The following PRUNE2 variants were observed in gnomAD, a reference collection of about 807,000 sequenced individuals.
PRUNE2 encodes protein prune homolog 2.
Under a neutral mutation model 252.0 loss-of-function variants are expected in PRUNE2, and 164 were observed. The observed-to-expected ratio is 0.65, with a 90% CI of 0.57 to 0.74. The LOEUF (loss-of-function observed/expected upper bound fraction) is 0.74, where lower values mean the gene tolerates loss of function less well. Among genes scored for constraint, PRUNE2 ranks in the 30% least tolerant of loss-of-function variants. The pLI is 0.00. For missense variants in PRUNE2, 3,495 were observed against 3,711.0 expected, an observed-to-expected ratio of 0.94 and a Z score of 1.51; for synonymous variants, 1,292 against 1,350.2, an observed-to-expected ratio of 0.96 and a Z score of 0.94.
chr9:76,644,860 T>C lies in PRUNE2; in HGVS notation c.8607A>G (p.Glu2869=), dbSNP rs1463269336. ...CCTCCCGTTCCTCTTCGGCCGTATA[T>C]TCTGGAATAGACTCTGACTCTTGGC... is the stretch of plus-strand genomic sequence containing the variant. ...DSGQESESIP[E]YTAEEEREDN... Residue 2869 remains glutamate, a synonymous_variant, in exon 12 of 19, where the codon GAA becomes GAG. Coordinates refer to ENST00000376718, the MANE Select transcript of PRUNE2 (RefSeq NM_015225.3). 3 of 1,613,912 alleles carry C rather than the reference T, an allele frequency of 1.9e-6. No individual in the cohort carries two copies. Among genetic ancestry groups the C allele is most frequent in the Admixed American group, 1.7e-5 (1 of 60,002 alleles).
At chr9:76,693,986 T>C (rs964911006) in intron 9 of PRUNE2, among the ~76,000 whole-genome samples, 15 of 152,112 alleles carry the variant, frequency 9.9e-5, no homozygotes, top group Non-Finnish European at 5.9e-5. Flanking sequence ...CCCAAATCAT[T>C]AGGGGAGAAA....
chr9:76,679,362 A>G (rs2043174054), intron 9 of PRUNE2, among the ~76,000 whole-genome samples: 1 of 152,234 alleles, frequency 6.6e-6, no homozygotes, highest in Non-Finnish European at 1.5e-5. Flanking sequence ...CTATTCTAAA[A>G]TTTATTTGAA....
At chr9:76,797,972 G>T (rs929941621) in intron 6 of PRUNE2, among the ~76,000 whole-genome samples, 6 of 152,148 alleles carry the variant, frequency 3.9e-5, no homozygotes, top group African/African-American at 1.4e-4. Context: ...TGCCCTGTTT[G>T]TCTTTACAGA....
At chr9:76,785,188 T>TAC (rs2054847508) in intron 6 of PRUNE2, 1 of 152,246 alleles carries the variant, frequency 6.6e-6, no homozygotes, top group Admixed American at 6.5e-5. Flanking sequence ...ATGTCAGGCA[T>TAC]ACATTATTCC....
At chr9:76,637,193 C>T (rs1191675620) in intron 14 of PRUNE2, among the ~76,000 whole-genome samples, 3 of 152,046 alleles carry the variant, frequency 2.0e-5, no homozygotes, top group Non-Finnish European at 2.9e-5. Context: ...GAATCTATAA[C>T]CAACATGGTG....
chr9:76,798,348 G>T (rs1210654011), intron 6 of PRUNE2, among the ~76,000 whole-genome samples: 1 of 152,122 alleles, frequency 6.6e-6, no homozygotes, highest in Admixed American at 6.6e-5. Flanking sequence ...TTATGAATTT[G>T]ACTACTTTAG....
intron 1 of PRUNE2, among the ~76,000 whole-genome samples, chr9:76,888,035 C>G (rs528932879): frequency 6.6e-5 from 10 of 152,186 alleles, no homozygotes; most frequent in African/African-American, 2.4e-4. Context: ...AATAGAAAAG[C>G]ACAAAAGGGC....
At chr9:76,861,986 C>G (rs572800861) in intron 1 of PRUNE2, 1 of 152,154 alleles carries the variant, frequency 6.6e-6, no homozygotes, top group Non-Finnish European at 1.5e-5. Context: ...TTCCAGTCAT[C>G]CCACTGTTGT....
chr9:76,728,377 C>A (rs2048302256), intron 6 of PRUNE2, among the ~76,000 whole-genome samples: 1 of 152,090 alleles, frequency 6.6e-6, no homozygotes. Context: ...CAAGTACTCA[C>A]AGCCCACCCC....
rs778763844 is a variant in PRUNE2 at position 76,706,562 on chromosome 9, A to G, written c.5712T>C (p.His1904=). 1.9e-6 allele frequency: 3 copies of G among 1,613,870 alleles called. No individual in the cohort carries two copies. In the African/African-American group the frequency reaches 4.0e-5, roughly 22 times the overall value. ...PFLEGNGKNS[H]EQLWNIQPRQ... Reference sequence around the variant, plus strand: ...TTGGTTGAATGTTCCAGAGTTGCTCATGGGAGTTCTTCCCATTACCTTCCA... The same window carrying G: ...TTGGTTGAATGTTCCAGAGTTGCTCGTGGGAGTTCTTCCCATTACCTTCCA... Residue 1904 remains histidine (H), a synonymous_variant, in exon 8 of 19, where the codon CAT becomes CAC. Transcript: ENST00000376718.
At chr9:76,625,054 C>T (rs1380001990) in intron 16 of PRUNE2, 3 of 1,303,014 alleles carry the variant, frequency 2.3e-6, no homozygotes, top group Non-Finnish European at 3.0e-6. Context: ...CTCTCTTCAT[C>T]GTACCTTACA....
rs181940498 is a variant in PRUNE2 at position 76,643,037 on chromosome 9, C to T, written c.8728+1702G>A. 5.3e-5 allele frequency among the ~76,000 whole-genome samples: 8 copies of T among 152,316 alleles called. No individual in the cohort carries two copies. In the East Asian group the frequency reaches 1.2e-3, roughly 22 times the overall value. ...GAGGTGGCAGGGACGGAGAGCACAGCAAACCAGGTTAGCCCTGAGGGCTCA... is the reference window on the plus strand; with the variant it reads ...GAGGTGGCAGGGACGGAGAGCACAGTAAACCAGGTTAGCCCTGAGGGCTCA... On this transcript the variant is annotated intron_variant, in intron 12 of 18. Coordinates refer to ENST00000376718, the MANE Select transcript of PRUNE2 (RefSeq NM_015225.3).
chr9:76,788,294 G>A (rs890899634), intron 6 of PRUNE2: 13 of 610,310 alleles, frequency 2.1e-5, no homozygotes, highest in Middle Eastern at 5.2e-4. Context: ...TATTCTAGTC[G>A]AAAGAAACAT....
chr9:76,672,165 G>A (rs1378960178), intron 9 of PRUNE2, among the ~76,000 whole-genome samples: 2 of 150,718 alleles, frequency 1.3e-5, no homozygotes, highest in Admixed American at 6.6e-5. Context: ...CCCATCTCAC[G>A]TGCACAGACA....
intron 6 of PRUNE2, among the ~76,000 whole-genome samples, chr9:76,821,986 T>C (rs2058058959): frequency 6.6e-6 from 1 of 152,116 alleles, no homozygotes; most frequent in Non-Finnish European, 1.5e-5. Flanking sequence ...TAAAACCTAA[T>C]AAGATGCCAT....
At chr9:76,892,196 C>T (rs2062524001) in intron 1 of PRUNE2, among the ~76,000 whole-genome samples, 1 of 152,090 alleles carries the variant, frequency 6.6e-6, no homozygotes, top group South Asian at 2.1e-4. Flanking sequence ...CAATGTATAC[C>T]ATCAGGACAC....
At chr9:76,725,194 A>T (rs2048004432) in intron 6 of PRUNE2, among the ~76,000 whole-genome samples, 1 of 152,212 alleles carries the variant, frequency 6.6e-6, no homozygotes, top group South Asian at 2.1e-4. Flanking sequence ...GATTTATGGA[A>T]ACCACAAGGC....
At chr9:76,654,108 G>C (rs1024547396) in intron 10 of PRUNE2, among the ~76,000 whole-genome samples, 3 of 152,098 alleles carry the variant, frequency 2.0e-5, no homozygotes, top group African/African-American at 7.2e-5. Context: ...AAAATTGCTT[G>C]GTGTGTGGCA....
At chr9:76,877,244 C>T (rs915251504) in intron 1 of PRUNE2, among the ~76,000 whole-genome samples, 51 of 152,036 alleles carry the variant, frequency 3.4e-4, no homozygotes, top group African/African-American at 1.2e-3. Context: ...GTGCCTCATG[C>T]CTGTAATCCC....
Sources: gnomAD v4.1 joint callset for allele counts (sites outside exome capture counted in the v4.1 genomes callset) on GRCh38, gnomAD v4.1.1 for gene constraint, MANE v1.5 for transcripts, NCBI Gene and HGNC (gene_info 2026-07-23, HGNC 2026-07-21) for gene names.